The following PALB2 variants were observed in gnomAD, a reference collection of about 807,000 sequenced individuals.
PALB2 encodes mutant partner and localizer of BRCA2.
A neutral mutation model predicts 107.4 loss-of-function variants in PALB2; 82 were observed. The ratio of observed to expected loss-of-function variants is 0.76; its 90% CI spans 0.64 to 0.92. PALB2 has a LOEUF of 0.92. PALB2 is among the 40% of genes least tolerant of loss of function. PALB2 has a pLI of 0.00. For synonymous variants in PALB2, 489 were observed against 496.8 expected (o/e 0.98, Z 0.21); for missense variants, 1,374 against 1,379.9 (o/e 1.00, Z 0.07).
At position 23,629,912 on chromosome 16, in the gene PALB2, T is replaced by C. The variant is rs1279823900; in HGVS notation, c.2242A>G (p.Thr748Ala). The C allele has an allele frequency of 6.2e-7, 1 of 1,614,044 alleles. No individual in the cohort carries two copies. The highest frequency in any genetic ancestry group is 2.2e-5 in the East Asian group (1 of 44,902). The change falls in exon 5 of 13, where the codon ACA becomes GCA. Residue 748 changes from threonine to alanine, a missense_variant. Coordinates refer to ENST00000261584, the MANE Select transcript of PALB2 (RefSeq NM_024675.4). ...CAGCAAGTTCGTCCAGCAACTTCTG[T>C]AGATGCTTTTTCATAGGAGCCTTGA... The part of the protein sequence containing the change: ...GPQGSYEKAS[T>A]EVAGRTCCTP...
At chr16:23,627,489 G>A (rs527337891) in intron 6 of PALB2, among the ~76,000 whole-genome samples, 5 of 122,038 alleles carry the variant, frequency 4.1e-5, no homozygotes, top group East Asian at 4.4e-4. Context: ...GCAAGACTCC[G>A]TCTCAAAAAA....
rs1555460599 is a variant in PALB2, at chr16:23,630,257, T to C, written c.1897A>G (p.Lys633Glu). 1 of 1,614,186 alleles carries C rather than the reference T, an allele frequency of 6.2e-7. No homozygotes were observed. Reference sequence around the variant, plus strand: ...TTTGACTCAAAGGGCTCCACTGGTTTTTCTGAGCAGGACTTCACTTTTTCA... The same window carrying C: ...TTTGACTCAAAGGGCTCCACTGGTTCTTCTGAGCAGGACTTCACTTTTTCA... ...KLEKVKSCSE[K>E]PVEPFESKMF... is the part of the protein sequence containing the mutation. Residue 633 changes from lysine (K) to glutamate (E), a missense_variant, in exon 5 of 13, where the codon AAA (lysine) becomes GAA (glutamate). Lys to Glu is a moderately conservative substitution (Grantham distance 56, BLOSUM62 1). Coordinates refer to ENST00000261584, the MANE Select transcript of PALB2 (RefSeq NM_024675.4).
intron 10 of PALB2, 32 bp downstream of exon 10, chr16:23,621,330 G>A (rs2142325605): frequency 7.3e-7 from 1 of 1,368,400 alleles, no homozygotes; most frequent in East Asian, 2.3e-5. Flanking sequence ...TACTACAGAT[G>A]AGGGAACTGA....
Position 23,629,246 on chromosome 16 carries a change from A to G in PALB2, c.2544T>C (p.Asp848=), listed in dbSNP as rs753978124. ...QTETAELPAS[D]SINPGNLQLV... ...ATTGTAGGTTGCCTGGGTTTATGCT[A>G]TCAGAAGCAGGAAGCTCTGCTGTTT... The change falls in exon 6 of 13, where the codon GAT becomes GAC. Residue 848 remains aspartate (D), a synonymous_variant. Transcript: ENST00000261584. 1.2e-6 allele frequency: 2 copies of G among 1,613,750 alleles called. No homozygotes were observed. The highest frequency in any genetic ancestry group is 1.3e-5 in the African/African-American group (1 of 75,050).
rs1966856613 is a variant in PALB2, at chr16:23,629,750, A to T, written c.2404T>A (p.Cys802Ser). The T allele has an allele frequency of 1.2e-6, 2 of 1,614,206 alleles. No individual in the cohort carries two copies. The highest frequency in any genetic ancestry group is 1.1e-5 in the South Asian group (1 of 91,088). ...SGRQGQPTCD[C>S]DSVPPGTPPP... is the part of the protein sequence containing the mutation. The stretch of plus-strand genomic sequence containing the variant: ...GGTGTTCCTGGCGGGACAGAGTCAC[A>T]GTCACAGGTAGGTTGTCCTTGCCTG... Residue 802 changes from cysteine to serine, a missense_variant, in exon 5 of 13, where the codon TGT becomes AGT. Cys to Ser is a moderately radical substitution (Grantham distance 112, BLOSUM62 -1). Transcript: ENST00000261584.
chr16:23,622,958 G>A lies in PALB2; in HGVS notation c.2996+11C>T, dbSNP rs2142334043. 1 of 1,613,882 alleles carries A rather than the reference G, an allele frequency of 6.2e-7. No individual in the cohort carries two copies. The highest frequency in any genetic ancestry group is 8.5e-7 in the Non-Finnish European group (1 of 1,179,880). On this transcript the variant is annotated intron_variant, in intron 9 of 12. Coordinates refer to ENST00000261584, the MANE Select transcript of PALB2 (RefSeq NM_024675.4). ...ATCTAATAGTTAAAAATCAATCAAT[G>A]CTTTTCTTACCCTCCATCTTCTGCA...
At chr16:23,629,405 C>T (rs1966854575) in intron 5 of PALB2, 130 bp from the exon 6 acceptor site, 1 of 955,874 alleles carries the variant, frequency 1.0e-6, no homozygotes, top group Non-Finnish European at 1.6e-6. Context: ...GCTCCAAATG[C>T]AAACTGTTTC....
chr16:23,603,893 G>A (rs1334348324), intron 12 of PALB2, among the ~76,000 whole-genome samples: 1 of 152,106 alleles, frequency 6.6e-6, no homozygotes, highest in Non-Finnish European at 1.5e-5. Context: ...GCATCTTGTA[G>A]CAATTGAAGG....
In PALB2 at chr16:23,634,920, G is replaced by A. The variant is rs774223376; in HGVS notation, c.1626C>T (p.Ser542=). The part of the protein sequence containing the change: ...PTSSLSIVNR[S]KEEVTSHKYQ... ...ATTTGTGTGAGGTGACTTCTTCCTT[G>A]GACCTGTTAACAATCGACAGGCTAG... Residue 542 remains serine, a synonymous_variant, in exon 4 of 13, where the codon TCC becomes TCT. Coordinates refer to ENST00000261584, the MANE Select transcript of PALB2 (RefSeq NM_024675.4). 3 of 1,614,054 alleles carry A rather than the reference G, an allele frequency of 1.9e-6. No homozygotes were observed. The highest frequency in any genetic ancestry group is 2.5e-6 in the Non-Finnish European group (3 of 1,180,018).
Position 23,635,867 on chromosome 16 carries a change from C to T in PALB2, c.679G>A (p.Ala227Thr), listed in dbSNP as rs1555461678. 3 of 1,614,122 alleles carry T rather than the reference C, an allele frequency of 1.9e-6. No individual in the cohort carries two copies. Among genetic ancestry groups the T allele is most frequent in the Non-Finnish European group, 2.5e-6 (3 of 1,180,022 alleles). ...GTATCAACACCTTTTTCTGGTTGGGCAGTTGGTGGAATTAATACACTGTCT... is the reference window on the plus strand; with the variant it reads ...GTATCAACACCTTTTTCTGGTTGGGTAGTTGGTGGAATTAATACACTGTCT... ...NEDSVLIPPT[A>T]QPEKGVDTFL... The change falls in exon 4 of 13, where the codon GCC becomes ACC. Residue 227 changes from alanine (A) to threonine (T), a missense_variant. Coordinates refer to ENST00000261584, the MANE Select transcript of PALB2 (RefSeq NM_024675.4).
At position 23,636,175 on chromosome 16, in the gene PALB2, G is replaced by T. The variant is rs45457297; in HGVS notation, c.371C>A (p.Thr124Asn). Residue 124 changes from threonine (T) to asparagine (N), a missense_variant, in exon 4 of 13, where the codon ACC becomes AAC. Physicochemically the swap from Thr to Asn is moderately conservative, Grantham distance 65. Coordinates refer to ENST00000261584, the MANE Select transcript of PALB2 (RefSeq NM_024675.4). The stretch of plus-strand genomic sequence containing the variant: ...GACCCTGTGGGGAAAATGTTCTTGG[G>T]TGTCATCTGTTCTTTGTATAGGTAA... Reference protein sequence around the residue: ...GGLPIQRTDDTQEHFPHRVSD... With the variant: ...GGLPIQRTDDNQEHFPHRVSD... 2.5e-6 allele frequency: 4 copies of T among 1,612,596 alleles called. 1 individual carries two copies. The East Asian group carries it at 8.9e-5, about 36-fold the overall frequency.
At chr16:23,623,197 TC>T in intron 8 of PALB2, 67 bp from the exon 9 acceptor site, 1 of 1,203,560 alleles carries the variant, frequency 8.3e-7, no homozygotes, top group Non-Finnish European at 1.2e-6. Flanking sequence ...AGGACTAGGT[TC>T]ACTTTTTTTT....
intron 4 of PALB2, among the ~76,000 whole-genome samples, chr16:23,633,999 A>C (rs750366178): frequency 8.5e-5 from 13 of 152,090 alleles, no homozygotes; most frequent in Non-Finnish European, 1.9e-4. Context: ...GTGAGCCACC[A>C]AGCCCAACAT....
chr16:23,632,468 G>C (rs1966888590), intron 4 of PALB2, among the ~76,000 whole-genome samples: 2 of 152,006 alleles, frequency 1.3e-5, no homozygotes, highest in Non-Finnish European at 2.9e-5. Context: ...CCATTATGCT[G>C]AGCAGCCAGA....
Position 23,603,306 on chromosome 16 carries a change from G to A in PALB2, c.*153C>T. 1 of 659,262 alleles carries A rather than the reference G, an allele frequency of 1.5e-6. No individual in the cohort carries two copies. The allele number at this position is 659,262 out of a possible 1,614,324, so 40.8% of individuals were successfully genotyped here. A position where few individuals can be genotyped will look rare whatever the true frequency, so the allele number is the denominator to read the frequency against. ...TAAATGTACATCCAAGATCAGTGGT[G>A]CTACCATCATTAGAATAAAAAATAA... On this transcript the variant is annotated 3_prime_UTR_variant, in exon 13 of 13. Coordinates refer to ENST00000261584, the MANE Select transcript of PALB2 (RefSeq NM_024675.4).
In PALB2 at chr16:23,635,066, T is replaced by A; in HGVS notation, c.1480A>T (p.Thr494Ser). 6.2e-7 allele frequency: 1 copy of A among 1,614,166 alleles called. No individual in the cohort carries two copies. Among genetic ancestry groups the A allele is most frequent in the Non-Finnish European group, 8.5e-7 (1 of 1,180,026 alleles). ...TTCCTAGACAAGTCATTATCTTCAG[T>A]GGGCCCAGCGGGAGAGCTGACTTTA... is the stretch of plus-strand genomic sequence containing the variant. ...LTKVSSPAGP[T>S]EDNDLSRKAV... The change falls in exon 4 of 13, where the codon ACT becomes TCT. Residue 494 changes from threonine (T) to serine (S), a missense_variant. Thr to Ser is a moderately conservative substitution (Grantham distance 58). Transcript: ENST00000261584.
At chr16:23,641,085 T>C (rs1349902954) in intron 1 of PALB2, 25 bp downstream of exon 1, 1 of 1,611,770 alleles carries the variant, frequency 6.2e-7, no homozygotes, top group Non-Finnish European at 8.5e-7. Flanking sequence ...GAGTCCTGCG[T>C]CCGCCCTTCC....
At position 23,603,410 on chromosome 16, in the gene PALB2, C is replaced by T. The variant is rs1346059459; in HGVS notation, c.*49G>A. 1 of 1,474,844 alleles carries T rather than the reference C, an allele frequency of 6.8e-7. No homozygotes were observed. The highest frequency in any genetic ancestry group is 1.4e-5 in the African/African-American group (1 of 71,882). 91.4% of individuals were successfully genotyped at this position (1,474,844 alleles called of 1,614,324 possible). On this transcript the variant is annotated 3_prime_UTR_variant, in exon 13 of 13. Coordinates refer to ENST00000261584, the MANE Select transcript of PALB2 (RefSeq NM_024675.4). The stretch of plus-strand genomic sequence containing the variant: ...TTTATATTTAAAACTCCAAAAAATA[C>T]TAAGAGGCCCAATATATCCAGAAAA...
At chr16:23,626,956 T>G (rs1966843993) in intron 6 of PALB2, among the ~76,000 whole-genome samples, 1 of 151,992 alleles carries the variant, frequency 6.6e-6, no homozygotes, top group Admixed American at 6.6e-5. Flanking sequence ...CCAGATGGAA[T>G]AAATTCAGAT....
Sources: gnomAD v4.1 joint callset for allele counts (sites outside exome capture counted in the v4.1 genomes callset) on GRCh38, gnomAD v4.1.1 for gene constraint, MANE v1.5 for transcripts, NCBI Gene and HGNC (gene_info 2026-07-23, HGNC 2026-07-21) for gene names.